Variants in PCDHGA3 observed in about 807,000 individuals in gnomAD.
The protein encoded by PCDHGA3 is protocadherin gamma subfamily A, 3.
PCDHGA3 carries 40 observed loss-of-function variants against 58.5 expected under a neutral mutation model. The ratio of observed to expected loss-of-function variants is 0.68; its 90% CI spans 0.53 to 0.89. The LOEUF is 0.89. Ranked by LOEUF, PCDHGA3 falls within the 40% of genes least tolerant of loss-of-function variation. The pLI is 0.00. For missense variants in PCDHGA3, 1,223 were observed against 1,195.9 expected, an observed-to-expected ratio of 1.02 and a Z score of -0.33; for synonymous variants, 530 against 525.7, an observed-to-expected ratio of 1.01 and a Z score of -0.11.
chr5:141,408,439 G>A (rs1057408625), intron 1 of PCDHGA3: 4 of 1,613,950 alleles, frequency 2.5e-6, no homozygotes, highest in Non-Finnish European at 3.4e-6. Flanking sequence ...GCGTAGACGC[G>A]GAGAGCGGGG....
chr5:141,362,714 C>A, intron 1 of PCDHGA3: 1 of 916,366 alleles, frequency 1.1e-6, no homozygotes, highest in Non-Finnish European at 1.6e-6. Context: ...AGTGTTTTCT[C>A]TCTGAAGTGT....
At chr5:141,407,534 A>T (rs72790039) in intron 1 of PCDHGA3, among the ~76,000 whole-genome samples, 1 of 149,478 alleles carries the variant, frequency 6.7e-6, no homozygotes, top group Non-Finnish European at 1.5e-5. Flanking sequence ...CTTATTGTGC[A>T]TTGGTAACAG....
At chr5:141,410,849 CT>C (rs759346998) in intron 1 of PCDHGA3, 9,989 of 137,410 alleles carry the variant, frequency 0.073, 1 homozygote, top group South Asian at 0.15. Context: ...TTGTCTTTGT[CT>C]TTTTTTTTTT....
chr5:141,496,021 G>C lies in PCDHGA3; in HGVS notation c.2483+1156G>C, dbSNP rs1011612662. Among the ~76,000 whole-genome samples, 3 of 151,454 alleles carry C rather than the reference G, an allele frequency of 2.0e-5. No individual in the cohort carries two copies. The East Asian group carries it at 5.8e-4, about 29-fold the overall frequency. ...CTTTTATCTTGTCTTTTTTCTCTGA[G>C]CCTCTGTCTCTGTCTCTCATTTTTT... On this transcript the variant is annotated intron_variant, in intron 2 of 3. Coordinates refer to ENST00000253812, the MANE Select transcript of PCDHGA3 (RefSeq NM_018916.4).
rs766387243 is a variant in PCDHGA3 at position 141,489,017 on chromosome 5, TCTC to T, written c.2425-5782_2425-5780del. The stretch of plus-strand genomic sequence containing the variant: ...GGGAGATCTGCTCTTCCAGCCCGCC[TCTC>T]CTCCTCCAGCTCCCCAGCTCCACTC... On this transcript the variant is annotated intron_variant, in intron 1 of 3. Transcript: ENST00000253812. This position sits in a 1 kb window ranked among gnomAD's most constrained non-coding sequence, Gnocchi z 4.5. 2 of 435,354 alleles carry T rather than the reference TCTC, an allele frequency of 4.6e-6. No individual in the cohort carries two copies. Among genetic ancestry groups the T allele is most frequent in the Non-Finnish European group, 8.1e-6 (2 of 247,876 alleles). The allele number at this position is 435,354 out of a possible 1,614,324, so 27.0% of individuals were successfully genotyped here. A position where few individuals can be genotyped will look rare whatever the true frequency, so the allele number is the denominator to read the frequency against.
chr5:141,357,275 A>G (rs1164189743), intron 1 of PCDHGA3: 3 of 1,613,272 alleles, frequency 1.9e-6, no homozygotes, highest in East Asian at 2.2e-5. Context: ...CTCACACTCT[A>G]TCTCGTGGTG....
At position 141,489,193 on chromosome 5, in the gene PCDHGA3, G is replaced by A; in HGVS notation, c.2425-5614G>A. The A allele has an allele frequency of 2.2e-6, 3 of 1,369,230 alleles. No individual in the cohort carries two copies. Among genetic ancestry groups the A allele is most frequent in the Non-Finnish European group, 3.0e-6 (3 of 1,000,290 alleles). 84.8% of individuals were successfully genotyped at this position (1,369,230 alleles called of 1,614,324 possible). On this transcript the variant is annotated intron_variant, in intron 1 of 3. Coordinates refer to ENST00000253812, the MANE Select transcript of PCDHGA3 (RefSeq NM_018916.4). The surrounding 1 kb of genome is among the most constrained non-coding windows in gnomAD (Gnocchi z 4.5). ...GCATTCCAAGCCCTGGGTCTACCTT[G>A]GAGACAGGACAGCACAGACTTACTC...
chr5:141,365,252 G>A, intron 1 of PCDHGA3: 1 of 1,613,916 alleles, frequency 6.2e-7, no homozygotes, highest in East Asian at 2.2e-5. Context: ...ACAATCACTG[G>A]ACTATGAAGA....
intron 1 of PCDHGA3, chr5:141,355,264 G>A (rs201894028): frequency 1.2e-5 from 19 of 1,613,482 alleles, no homozygotes; most frequent in African/African-American, 9.3e-5. Context: ...TCTCCTGGGG[G>A]TTCTGGTGGA....
At chr5:141,376,704 G>T in intron 1 of PCDHGA3, 1 of 620,824 alleles carries the variant, frequency 1.6e-6, no homozygotes. Flanking sequence ...TTTTGAGACG[G>T]AGTCTCGCTC....
At chr5:141,414,245 T>A in intron 1 of PCDHGA3, 2 of 1,613,498 alleles carry the variant, frequency 1.2e-6, no homozygotes, top group Non-Finnish European at 1.7e-6. Context: ...ACGTCTCTAT[T>A]TAGTCCAGTG....
intron 1 of PCDHGA3, among the ~76,000 whole-genome samples, chr5:141,465,779 GT>G (rs879859429): frequency 5.2e-4 from 76 of 145,138 alleles, no homozygotes; most frequent in South Asian, 1.1e-3. Flanking sequence ...TCTTGTTACA[GT>G]TTTTTTTTTT....
At chr5:141,419,505 G>C in intron 1 of PCDHGA3, 1 of 1,612,324 alleles carries the variant, frequency 6.2e-7, no homozygotes, top group Non-Finnish European at 8.5e-7. Flanking sequence ...GTGAGCCTGC[G>C]CGTGTTGGTG....
At chr5:141,390,223 G>T (rs137959577) in intron 1 of PCDHGA3, 3 of 1,614,020 alleles carry the variant, frequency 1.9e-6, no homozygotes, top group East Asian at 2.2e-5. Context: ...ATACTTTGCG[G>T]TGATTCATCT....
chr5:141,418,006 C>T, intron 1 of PCDHGA3: 7 of 1,613,896 alleles, frequency 4.3e-6, no homozygotes, highest in Non-Finnish European at 5.9e-6. Flanking sequence ...TGGTGGGGAA[C>T]CTCGCTAAGG....
Position 141,384,211 on chromosome 5 carries a change from A to G in PCDHGA3, c.2424+37754A>G, listed in dbSNP as rs1779844245. On this transcript the variant is annotated intron_variant, in intron 1 of 3. Transcript: ENST00000253812. The stretch of plus-strand genomic sequence containing the variant: ...TCCTCCCTTGTCCAGGGAAACTCAC[A>G]TATTCATGCAGGTGGCAGACACCAA... The G allele has an allele frequency of 6.2e-7, 1 of 1,613,880 alleles. No individual in the cohort carries two copies. Among genetic ancestry groups the G allele is most frequent in the Non-Finnish European group, 8.5e-7 (1 of 1,179,872 alleles).
intron 1 of PCDHGA3, among the ~76,000 whole-genome samples, chr5:141,438,633 TATACACAC>T (rs1401551511): frequency 0.055 from 1,851 of 33,458 alleles, 10 homozygotes; most frequent in African/African-American, 0.082. Flanking sequence ...TATATATATA[TATACACAC>T]ACACACACAC....
At chr5:141,384,074 T>G in intron 1 of PCDHGA3, 1 of 1,601,488 alleles carries the variant, frequency 6.2e-7, no homozygotes, top group Non-Finnish European at 8.5e-7. Flanking sequence ...AACCTACCTT[T>G]TAAATTAGAA....
At chr5:141,404,720 A>C in intron 1 of PCDHGA3, 1 of 1,613,804 alleles carries the variant, frequency 6.2e-7, no homozygotes, top group Non-Finnish European at 8.5e-7. Flanking sequence ...CCTGGTGACC[A>C]AGGTGGTGGC....
Sources: gnomAD v4.1 joint callset for allele counts (sites outside exome capture counted in the v4.1 genomes callset) on GRCh38, gnomAD v4.1.1 for gene constraint, Gnocchi (gnomAD v3.1) non-coding constraint, MANE v1.5 for transcripts, NCBI Gene and HGNC (gene_info 2026-07-23, HGNC 2026-07-21) for gene names.